The following PRSS23 variants were observed in gnomAD, a reference collection of about 807,000 sequenced individuals.
PRSS23 encodes protease, serine 23.
PRSS23 carries 25 observed loss-of-function variants against 34.7 expected under a neutral mutation model. The ratio of observed to expected loss-of-function variants is 0.72; its 90% CI spans 0.53 to 1.01. The LOEUF is 1.01. Ranked by LOEUF, PRSS23 falls within the 50% of genes least tolerant of loss-of-function variation. The pLI is 0.00. For missense variants in PRSS23, 445 were observed against 475.6 expected (o/e 0.94, Z 0.60); for synonymous variants, 176 against 186.6 (o/e 0.94, Z 0.46).
At chr11:86,853,177 G>A (rs1565366404) in intron 2 of PRSS23, among the ~76,000 whole-genome samples, 1 of 133,694 alleles carries the variant, frequency 7.5e-6, no homozygotes, top group Non-Finnish European at 1.6e-5. Context: ...TGGGATTTAT[G>A]TATTTCACTG....
chr11:86,853,777 C>CAGA, intron 2 of PRSS23, among the ~76,000 whole-genome samples: 1 of 152,228 alleles, frequency 6.6e-6, no homozygotes, highest in African/African-American at 2.4e-5. Context: ...TCTGATAATT[C>CAGA]TGTTTTTCAT....
chr11:86,808,453 G>A lies in PRSS23; in HGVS notation c.810G>A (p.Lys270=). ...FMKIGVSPPA[K]QLPGGRIHFS... is the part of the protein sequence containing the mutation. ...AGATTGGGGTGAGCCCTCCTGCTAAGCAGCTGCCAGGGGGCAGAATTCACT... is the reference window on the plus strand; with the variant it reads ...AGATTGGGGTGAGCCCTCCTGCTAAACAGCTGCCAGGGGGCAGAATTCACT... Residue 270 remains lysine, a synonymous_variant, in exon 2 of 2, where the codon AAG becomes AAA. Transcript: ENST00000280258. 2 of 1,614,236 alleles carry A rather than the reference G, an allele frequency of 1.2e-6. No individual in the cohort carries two copies. Among genetic ancestry groups the A allele is most frequent in the African/African-American group, 1.3e-5 (1 of 75,066 alleles).
At chr11:86,952,569 T>C (rs1370133433) in exon 3 of PRSS23, 1 of 1,356,446 alleles carries the variant, frequency 7.4e-7, no homozygotes, top group East Asian at 2.3e-5. Flanking sequence ...CCAGGCAATC[T>C]AGGTATCTAC....
intron 2 of PRSS23, among the ~76,000 whole-genome samples, chr11:86,888,124 A>G (rs1565377657): frequency 1.5e-5 from 1 of 67,288 alleles, no homozygotes; most frequent in Non-Finnish European, 4.0e-5. Flanking sequence ...TTTTAAAAAA[A>G]AACAAAACAA....
At chr11:86,875,323 A>G (rs1224193147) in intron 2 of PRSS23, among the ~76,000 whole-genome samples, 1 of 152,178 alleles carries the variant, frequency 6.6e-6, no homozygotes, top group Non-Finnish European at 1.5e-5. Context: ...GTGAGCCAAG[A>G]TCATGCGGTT....
chr11:86,806,769 G>A (rs545730876), intron 1 of PRSS23, among the ~76,000 whole-genome samples: 2 of 152,114 alleles, frequency 1.3e-5, no homozygotes, highest in South Asian at 2.1e-4. Flanking sequence ...AATCTTTGTC[G>A]AGTGCTAGCA....
chr11:86,918,583 C>CT (rs1320835749), intron 2 of PRSS23, among the ~76,000 whole-genome samples: 5 of 152,172 alleles, frequency 3.3e-5, no homozygotes, highest in Non-Finnish European at 5.9e-5. Context: ...ATATATTTTA[C>CT]TTTTTTACAA....
intron 2 of PRSS23, among the ~76,000 whole-genome samples, chr11:86,892,615 G>A (rs1948849179): frequency 1.3e-5 from 2 of 152,302 alleles, no homozygotes; most frequent in Middle Eastern, 3.4e-3. Flanking sequence ...CTCTCTAGCT[G>A]TGTGATAATC....
At chr11:86,914,660 G>A (rs1271476344) in intron 2 of PRSS23, among the ~76,000 whole-genome samples, 1 of 152,124 alleles carries the variant, frequency 6.6e-6, no homozygotes, top group African/African-American at 2.4e-5. Context: ...TGGAAAAAAG[G>A]ATTATAATGT....
intron 1 of PRSS23, among the ~76,000 whole-genome samples, chr11:86,795,311 G>A (rs1947974258): frequency 6.6e-6 from 1 of 152,106 alleles, no homozygotes; most frequent in Non-Finnish European, 1.5e-5. Context: ...GTTTTGTACT[G>A]ATTATCTCAC....
At chr11:86,804,375 A>G (rs1313716604) in intron 1 of PRSS23, among the ~76,000 whole-genome samples, 1 of 152,224 alleles carries the variant, frequency 6.6e-6, no homozygotes, top group East Asian at 1.9e-4. Flanking sequence ...TTTTAAATGC[A>G]ATTTTATAAC....
rs185618052 is a variant in PRSS23, at chr11:86,824,932, A to G, written c.206+1339A>G. On this transcript the variant is annotated intron_variant, in intron 2 of 2. Transcript: ENST00000533902. ...CTTTGCTATTGTGAATAGTGCCACA[A>G]TAAACATACCTGTGTATGTGTCTTT... 4.6e-5 allele frequency among the ~76,000 whole-genome samples: 7 copies of G among 152,300 alleles called. No homozygotes were observed. The East Asian group carries it at 9.7e-4, about 21-fold the overall frequency.
chr11:86,828,617 T>C (rs1948323700), intron 2 of PRSS23, among the ~76,000 whole-genome samples: 1 of 152,230 alleles, frequency 6.6e-6, no homozygotes, highest in Admixed American at 6.5e-5. Context: ...TGGCATGATT[T>C]TGCAGCGGCT....
intron 2 of PRSS23, among the ~76,000 whole-genome samples, chr11:86,893,540 G>T (rs975102657): frequency 2.0e-5 from 3 of 152,094 alleles, no homozygotes; most frequent in Non-Finnish European, 4.4e-5. Context: ...CTTTGGATTT[G>T]GTTTAAGAGT....
intron 2 of PRSS23, among the ~76,000 whole-genome samples, chr11:86,927,245 C>T (rs1049274258): frequency 1.3e-5 from 2 of 152,076 alleles, no homozygotes; most frequent in South Asian, 2.1e-4. Flanking sequence ...TATAGGCAGG[C>T]GTTGTCATCT....
intron 2 of PRSS23, among the ~76,000 whole-genome samples, chr11:86,855,709 T>C (rs758579124): frequency 2.2e-4 from 33 of 152,238 alleles, no homozygotes; most frequent in Non-Finnish European, 4.4e-4. Flanking sequence ...TTGGCCAGTC[T>C]GATCTCCAAC....
At chr11:86,904,107 C>G (rs1948927762) in intron 2 of PRSS23, among the ~76,000 whole-genome samples, 1 of 152,158 alleles carries the variant, frequency 6.6e-6, no homozygotes, top group African/African-American at 2.4e-5. Context: ...CATGCACACT[C>G]ACTCTACAAA....
intron 2 of PRSS23, among the ~76,000 whole-genome samples, chr11:86,882,244 G>T (rs1421429061): frequency 3.3e-5 from 5 of 152,144 alleles, no homozygotes; most frequent in African/African-American, 4.8e-5. Flanking sequence ...TGTGCAGGAT[G>T]TGTAGGTTTG....
chr11:86,906,956 G>A (rs1385144430), intron 2 of PRSS23, among the ~76,000 whole-genome samples: 1 of 152,046 alleles, frequency 6.6e-6, no homozygotes. Flanking sequence ...GATTCCGGCT[G>A]ATGTCAGGGA....
Sources: gnomAD v4.1 joint callset for allele counts (sites outside exome capture counted in the v4.1 genomes callset) on GRCh38, gnomAD v4.1.1 for gene constraint, MANE v1.5 for transcripts, NCBI Gene and HGNC (gene_info 2026-07-23, HGNC 2026-07-21) for gene names.